Variants in HS6ST3 observed in about 807,000 individuals in gnomAD.
HS6ST3 encodes heparan sulfate 6-O-sulfotransferase 3, also known as heparan-sulfate 6-O-sulfotransferase 3.
In HS6ST3, 12 loss-of-function variants were observed where a neutral mutation model predicts 36.7. The ratio of observed to expected loss-of-function variants is 0.33; its 90% CI spans 0.21 to 0.53. The LOEUF is 0.53. HS6ST3 is among the 20% of genes least tolerant of loss of function. The probability of loss-of-function intolerance (pLI) is 0.95; values close to 1 mark genes in which losing one functional copy is unlikely to be tolerated. For missense variants in HS6ST3, 584 were observed against 640.9 expected, an observed-to-expected ratio of 0.91 and a Z score of 0.96; for synonymous variants, 240 against 257.5, an observed-to-expected ratio of 0.93 and a Z score of 0.65.
intron 1 of HS6ST3, among the ~76,000 whole-genome samples, chr13:96,349,275 T>A (rs2055170680): frequency 6.6e-6 from 1 of 152,236 alleles, no homozygotes; most frequent in South Asian, 2.1e-4. Context: ...TCTCCATAAT[T>A]TCAAATAAGC....
At chr13:96,127,077 A>G (rs905432398) in intron 1 of HS6ST3, among the ~76,000 whole-genome samples, 3 of 152,140 alleles carry the variant, frequency 2.0e-5, no homozygotes. Flanking sequence ...TCTATTTCAT[A>G]CCTGTAATGG....
chr13:96,643,583 G>A (rs1034620968), intron 1 of HS6ST3, among the ~76,000 whole-genome samples: 2 of 151,724 alleles, frequency 1.3e-5, no homozygotes, highest in South Asian at 2.1e-4. Flanking sequence ...TGCACAAAAA[G>A]GCTTTTTAAA....
intron 1 of HS6ST3, among the ~76,000 whole-genome samples, chr13:96,702,731 C>T (rs1438973879): frequency 3.3e-5 from 5 of 152,172 alleles, no homozygotes; most frequent in African/African-American, 1.2e-4. Context: ...ACTAAGCCCA[C>T]TGGATTTAAA....
chr13:96,179,785 T>A (rs1267557007), intron 1 of HS6ST3, among the ~76,000 whole-genome samples: 1 of 122,204 alleles, frequency 8.2e-6, no homozygotes, highest in East Asian at 2.2e-4. Flanking sequence ...TTTTCCCACC[T>A]TTCATATCTT....
Position 96,093,646 on chromosome 13 carries a change from C to T in HS6ST3, c.707+2077C>T, listed in dbSNP as rs188926140. ...TATAATCCTTTCTTTTCCTTCCCAC[C>T]CTCTCTCTCTCCCCAGTAATTCTCA... is the stretch of plus-strand genomic sequence containing the variant. On this transcript the variant is annotated intron_variant, in intron 1 of 1. Coordinates refer to ENST00000376705, the MANE Select transcript of HS6ST3 (RefSeq NM_153456.4). Among the ~76,000 whole-genome samples the T allele has an allele frequency of 5.2e-4, 79 of 151,740 alleles. 1 individual carries two copies. The Middle Eastern group carries it at 0.01, about 20-fold the overall frequency.
intron 1 of HS6ST3, among the ~76,000 whole-genome samples, chr13:96,787,842 G>A (rs1877689457): frequency 6.6e-6 from 1 of 151,888 alleles, no homozygotes; most frequent in Admixed American, 6.6e-5. Flanking sequence ...CTCAAAGTCA[G>A]GAAGGTTTTC....
chr13:96,094,199 G>A lies in HS6ST3; in HGVS notation c.707+2630G>A, dbSNP rs139614843. On this transcript the variant is annotated intron_variant, in intron 1 of 1. Coordinates refer to ENST00000376705, the MANE Select transcript of HS6ST3 (RefSeq NM_153456.4). ...ACTTTTAAAGTGTAGATAATAATTA[G>A]TATGGCCATTATAGGGGTGTTGTGA... Among the ~76,000 whole-genome samples, 578 of 152,190 alleles carry A rather than the reference G, an allele frequency of 3.8e-3. 2 individuals are homozygous for A. Among genetic ancestry groups the A allele is most frequent in the African/African-American group, 0.014 (562 of 41,518 alleles).
chr13:96,441,097 A>G (rs1286551675), intron 1 of HS6ST3, among the ~76,000 whole-genome samples: 1 of 152,172 alleles, frequency 6.6e-6, no homozygotes, highest in Non-Finnish European at 1.5e-5. Flanking sequence ...CAGATTCAAC[A>G]TGAAGACTGC....
Position 96,540,182 on chromosome 13 carries a change from C to T in HS6ST3, c.708-292308C>T, listed in dbSNP as rs148828213. The stretch of plus-strand genomic sequence containing the variant: ...GTCTTGCTGCATGGTGAGCACTGCT[C>T]TACACCCTACTACCCACCTAACTCT... On this transcript the variant is annotated intron_variant, in intron 1 of 1. Coordinates refer to ENST00000376705, the MANE Select transcript of HS6ST3 (RefSeq NM_153456.4). Among the ~76,000 whole-genome samples the T allele has an allele frequency of 3.5e-3, 533 of 152,304 alleles. 1 individual carries two copies. The highest frequency in any genetic ancestry group is 0.012 in the African/African-American group (511 of 41,574).
At position 96,462,384 on chromosome 13, in the gene HS6ST3, T is replaced by C. The variant is rs142647309; in HGVS notation, c.708-370106T>C. Among the ~76,000 whole-genome samples the C allele has an allele frequency of 1.2e-3, 184 of 152,302 alleles. 1 individual carries two copies. Among genetic ancestry groups the C allele is most frequent in the African/African-American group, 4.3e-3 (180 of 41,576 alleles). On this transcript the variant is annotated intron_variant, in intron 1 of 1. Coordinates refer to ENST00000376705, the MANE Select transcript of HS6ST3 (RefSeq NM_153456.4). ...CTGTGCTCAGCCTAAAAACTTTTAA[T>C]AGAATGACAAAAAAGGAATTTGAAG...
At chr13:96,298,023 C>A (rs1011486952) in intron 1 of HS6ST3, among the ~76,000 whole-genome samples, 1 of 151,988 alleles carries the variant, frequency 6.6e-6, no homozygotes, top group African/African-American at 2.4e-5. Context: ...ATAAAAATTT[C>A]TTAAGAAAAA....
intron 1 of HS6ST3, among the ~76,000 whole-genome samples, chr13:96,316,118 C>A (rs2139411720): frequency 6.6e-6 from 1 of 152,152 alleles, no homozygotes; most frequent in East Asian, 1.9e-4. Flanking sequence ...TACTTGTGGA[C>A]CACTATAGAC....
intron 1 of HS6ST3, among the ~76,000 whole-genome samples, chr13:96,742,783 G>A (rs1291379896): frequency 3.3e-5 from 5 of 152,032 alleles, no homozygotes; most frequent in Non-Finnish European, 7.4e-5. Flanking sequence ...TTAAAATGCT[G>A]CAGATGAAGA....
At chr13:96,609,127 G>A (rs1187187923) in intron 1 of HS6ST3, among the ~76,000 whole-genome samples, 18 of 150,288 alleles carry the variant, frequency 1.2e-4, no homozygotes, top group Admixed American at 3.3e-4. Flanking sequence ...CCGCCACCAC[G>A]CCCAGCTAAT....
chr13:96,693,241 C>T (rs940822433), intron 1 of HS6ST3, among the ~76,000 whole-genome samples: 2 of 152,110 alleles, frequency 1.3e-5, no homozygotes, highest in Admixed American at 1.3e-4. Context: ...ATGGAACAAC[C>T]TTCTCTAATG....
rs1594843590 is a variant in HS6ST3, at chr13:96,716,590, G to A, written c.708-115900G>A. Among the ~76,000 whole-genome samples, 4 of 152,092 alleles carry A rather than the reference G, an allele frequency of 2.6e-5. No homozygotes were observed. The South Asian group carries it at 6.2e-4, about 24-fold the overall frequency. ...TATCATCTATTTACCTATCATTTATGATCTATTATCTATGATCTATCAATC... is the reference window on the plus strand; with the variant it reads ...TATCATCTATTTACCTATCATTTATAATCTATTATCTATGATCTATCAATC... On this transcript the variant is annotated intron_variant, in intron 1 of 1. Transcript: ENST00000376705.
chr13:96,302,768 T>A (rs1001640629), intron 1 of HS6ST3, among the ~76,000 whole-genome samples: 5 of 152,196 alleles, frequency 3.3e-5, no homozygotes, highest in African/African-American at 1.2e-4. Context: ...TGAGATATAA[T>A]AAGTGTGATA....
intron 1 of HS6ST3, among the ~76,000 whole-genome samples, chr13:96,694,880 C>T (rs969573230): frequency 3.3e-5 from 5 of 151,946 alleles, no homozygotes; most frequent in African/African-American, 1.2e-4. Flanking sequence ...AAAAAAACAA[C>T]ACAAACTTGA....
At chr13:96,717,128 G>A (rs1186303514) in intron 1 of HS6ST3, among the ~76,000 whole-genome samples, 1 of 152,196 alleles carries the variant, frequency 6.6e-6, no homozygotes, top group African/African-American at 2.4e-5. Flanking sequence ...TTTGTGAGCA[G>A]AGAACATTGC....
Sources: gnomAD v4.1 joint callset for allele counts (sites outside exome capture counted in the v4.1 genomes callset) on GRCh38, gnomAD v4.1.1 for gene constraint, MANE v1.5 for transcripts, NCBI Gene and HGNC (gene_info 2026-07-23, HGNC 2026-07-21) for gene names.